The following ADAMTSL3 variants were observed in gnomAD, a reference collection of about 807,000 sequenced individuals.
The protein encoded by ADAMTSL3 is ADAMTS-like protein 3.
Under a neutral mutation model 201.7 loss-of-function variants are expected in ADAMTSL3, and 128 were observed. The ratio of observed to expected loss-of-function variants is 0.63; its 90% CI spans 0.55 to 0.73. ADAMTSL3 has a LOEUF of 0.73. Ranked by LOEUF, ADAMTSL3 falls within the 30% of genes least tolerant of loss-of-function variation. The pLI is 0.00. For synonymous variants in ADAMTSL3, 738 were observed against 748.4 expected (o/e 0.99, Z 0.23); for missense variants, 1,990 against 2,119.6 (o/e 0.94, Z 1.20).
At chr15:83,875,941 A>C (rs1041998595) in intron 9 of ADAMTSL3, among the ~76,000 whole-genome samples, 2 of 151,994 alleles carry the variant, frequency 1.3e-5, no homozygotes, top group African/African-American at 4.8e-5. Context: ...TACACTAAGG[A>C]TTTCTCTTTC....
intron 20 of ADAMTSL3, among the ~76,000 whole-genome samples, chr15:83,973,500 A>G (rs1030943207): frequency 2.0e-5 from 3 of 152,152 alleles, no homozygotes; most frequent in African/African-American, 7.2e-5. Flanking sequence ...AGCCTGAGCC[A>G]CCAGGATTTC....
chr15:83,848,194 CA>C (rs2064541647), intron 7 of ADAMTSL3, among the ~76,000 whole-genome samples: 1 of 151,640 alleles, frequency 6.6e-6, no homozygotes, highest in South Asian at 2.1e-4. Flanking sequence ...AAAAAATAAA[CA>C]AAACAAAAAT....
chr15:83,801,675 T>A (rs373158488), intron 4 of ADAMTSL3, among the ~76,000 whole-genome samples: 7 of 59,898 alleles, frequency 1.2e-4, no homozygotes, highest in African/African-American at 3.3e-4. Flanking sequence ...TATATATATA[T>A]ATATATATAT....
At chr15:83,885,955 C>T (rs2065381430) in intron 10 of ADAMTSL3, among the ~76,000 whole-genome samples, 1 of 152,080 alleles carries the variant, frequency 6.6e-6, no homozygotes, top group Non-Finnish European at 1.5e-5. Context: ...AACTCCCAAC[C>T]TCAGGTGATC....
rs181857682 is a variant in ADAMTSL3 at position 83,710,479 on chromosome 15, C to A, written c.189+5971C>A. Reference sequence around the variant, plus strand: ...CTATGTCCTCCAACCTCCCTCCCCCCACCACCTTCAACAGGCATCCTTTTT... The same window carrying A: ...CTATGTCCTCCAACCTCCCTCCCCCAACCACCTTCAACAGGCATCCTTTTT... On this transcript the variant is annotated intron_variant, in intron 3 of 29. Transcript: ENST00000286744. Among the ~76,000 whole-genome samples the A allele has an allele frequency of 1.6e-3, 243 of 152,230 alleles. 2 individuals carry two copies. The highest frequency in any genetic ancestry group is 0.015 in the Admixed American group (223 of 15,278).
chr15:83,964,934 C>T lies in ADAMTSL3; in HGVS notation c.2491-5550C>T, dbSNP rs539412544. Among the ~76,000 whole-genome samples the T allele has an allele frequency of 1.6e-4, 25 of 152,110 alleles. No individual in the cohort carries two copies. The East Asian group carries it at 2.3e-3, about 14-fold the overall frequency. The stretch of plus-strand genomic sequence containing the variant: ...ATCCAGCCAACCTAAGCTTCATAAG[C>T]GAAGGAGAAATAAAATCCTTTACAG... On this transcript the variant is annotated intron_variant, in intron 19 of 29. Coordinates refer to ENST00000286744, the MANE Select transcript of ADAMTSL3 (RefSeq NM_207517.3).
chr15:83,773,794 G>C, intron 4 of ADAMTSL3, 144 bp downstream of exon 4: 1 of 1,219,158 alleles, frequency 8.2e-7, no homozygotes, highest in Non-Finnish European at 1.1e-6. Context: ...AGTCAACCTA[G>C]GTTAACATAT....
At chr15:83,674,841 G>A (rs1013237086) in intron 2 of ADAMTSL3, among the ~76,000 whole-genome samples, 2 of 147,460 alleles carry the variant, frequency 1.4e-5, no homozygotes, top group Non-Finnish European at 3.0e-5. Context: ...GGTCGCTTTT[G>A]GGGGAGGATA....
intron 3 of ADAMTSL3, chr15:83,739,978 G>A (rs2062428961): frequency 4.3e-6 from 2 of 466,634 alleles, no homozygotes; most frequent in East Asian, 5.3e-5. Flanking sequence ...GACCAGGGCA[G>A]TGTTTGTAGA....
chr15:83,722,601 A>AGG, intron 3 of ADAMTSL3, among the ~76,000 whole-genome samples: 1 of 152,202 alleles, frequency 6.6e-6, no homozygotes, highest in African/African-American at 2.4e-5. Flanking sequence ...AAACCTATAA[A>AGG]CATTACAAAT....
intron 15 of ADAMTSL3, among the ~76,000 whole-genome samples, chr15:83,909,384 C>T (rs1014149694): frequency 6.6e-5 from 10 of 151,890 alleles, no homozygotes; most frequent in African/African-American, 2.4e-4. Flanking sequence ...AGACAGTGTA[C>T]CTTTTCAGGA....
At chr15:83,909,219 G>T (rs943079882) in intron 15 of ADAMTSL3, among the ~76,000 whole-genome samples, 1 of 152,118 alleles carries the variant, frequency 6.6e-6, no homozygotes, top group African/African-American at 2.4e-5. Context: ...TTCCCATCTC[G>T]AGGTCACACC....
At chr15:83,816,768 G>A (rs751845085) in intron 5 of ADAMTSL3, among the ~76,000 whole-genome samples, 2 of 152,190 alleles carry the variant, frequency 1.3e-5, no homozygotes, top group Non-Finnish European at 2.9e-5. Context: ...CACTTTGGGA[G>A]GCCAAGGCAG....
intron 24 of ADAMTSL3, among the ~76,000 whole-genome samples, 154 bp downstream of exon 24, chr15:84,014,878 T>C (rs1390194822): frequency 6.6e-6 from 1 of 152,088 alleles, no homozygotes; most frequent in African/African-American, 2.4e-5. Flanking sequence ...AGCACTAAAT[T>C]CTAACACCCT....
chr15:83,955,835 G>C, intron 19 of ADAMTSL3, among the ~76,000 whole-genome samples: 1 of 151,912 alleles, frequency 6.6e-6, no homozygotes, highest in Non-Finnish European at 1.5e-5. Context: ...CTCTCCTCAA[G>C]CAGAAGGAAG....
chr15:83,941,130 TTA>T (rs1156845006), intron 17 of ADAMTSL3, among the ~76,000 whole-genome samples: 13 of 151,962 alleles, frequency 8.6e-5, no homozygotes, highest in East Asian at 1.9e-4. Flanking sequence ...TTTTACAAGT[TTA>T]TGTTTTATAT....
At chr15:83,791,693 C>T (rs776565811) in intron 4 of ADAMTSL3, among the ~76,000 whole-genome samples, 28 of 151,906 alleles carry the variant, frequency 1.8e-4, no homozygotes, top group Non-Finnish European at 3.5e-4. Flanking sequence ...CCCATCTCTG[C>T]TAAAAGAATA....
At chr15:83,836,360 A>G (rs928527281) in intron 6 of ADAMTSL3, among the ~76,000 whole-genome samples, 4 of 152,240 alleles carry the variant, frequency 2.6e-5, no homozygotes, top group African/African-American at 9.6e-5. Flanking sequence ...CCCTTTCCTC[A>G]TGATAGCTCT....
At chr15:83,817,774 G>A (rs182429780) in intron 5 of ADAMTSL3, among the ~76,000 whole-genome samples, 238 of 152,214 alleles carry the variant, frequency 1.6e-3, no homozygotes, top group Non-Finnish European at 2.6e-3. Context: ...AGCTGGGCGC[G>A]GTGGCTCACA....
Sources: gnomAD v4.1 joint callset for allele counts (sites outside exome capture counted in the v4.1 genomes callset) on GRCh38, gnomAD v4.1.1 for gene constraint, MANE v1.5 for transcripts, NCBI Gene and HGNC (gene_info 2026-07-23, HGNC 2026-07-21) for gene names.